The following CUEDC1 variants were observed in gnomAD, a reference collection of about 807,000 sequenced individuals.
CUEDC1 encodes CUE domain containing 1.
Under a neutral mutation model 43.7 loss-of-function variants are expected in CUEDC1, and 30 were observed. That is an observed-to-expected ratio of 0.69 (90% CI 0.51 to 0.93). The LOEUF (loss-of-function observed/expected upper bound fraction) is 0.93. CUEDC1 is among the 40% of genes least tolerant of loss of function. The pLI, the probability that CUEDC1 is intolerant of heterozygous loss-of-function variation, is 0.00. For missense variants in CUEDC1, 486 were observed against 549.0 expected (o/e 0.89, Z 1.15); for synonymous variants, 223 against 223.6 (o/e 1.00, Z 0.02).
At chr17:57,886,817 G>GTT (rs777598269) in intron 1 of CUEDC1, among the ~76,000 whole-genome samples, 2,545 of 118,480 alleles carry the variant, frequency 0.021, 100 homozygotes, top group African/African-American at 0.028. Flanking sequence ...AATTCTGGTT[G>GTT]TTTTTTTTTT....
At chr17:57,936,297 T>A (rs1451898977) in intron 1 of CUEDC1, among the ~76,000 whole-genome samples, 1 of 152,202 alleles carries the variant, frequency 6.6e-6, no homozygotes, top group African/African-American at 2.4e-5. Flanking sequence ...CATTCCTCCT[T>A]TGGCCCTTCC....
chr17:57,953,052 G>C (rs1471726560), intron 1 of CUEDC1, among the ~76,000 whole-genome samples: 1 of 152,082 alleles, frequency 6.6e-6, no homozygotes, highest in African/African-American at 2.4e-5. Flanking sequence ...CTAAGGAACC[G>C]ACAACACCCA....
At chr17:57,877,378 C>A (rs2074140436) in intron 3 of CUEDC1, among the ~76,000 whole-genome samples, 1 of 152,054 alleles carries the variant, frequency 6.6e-6, no homozygotes. Flanking sequence ...CCCTGTAGTC[C>A]CAGCTATTTG....
chr17:57,863,135 T>TGG lies in CUEDC1; in HGVS notation c.*152_*153dup, dbSNP rs962608091. On this transcript the variant is annotated 3_prime_UTR_variant, in exon 11 of 11. Transcript: ENST00000577830. Reference sequence around the variant, plus strand: ...AAGTCCCATGGAAAGTGGCAGTGGTTGGGCTGGACTGTGGCTGGAGGATCA... The same window carrying TGG: ...AAGTCCCATGGAAAGTGGCAGTGGTTGGGGGCTGGACTGTGGCTGGAGGATCA... The TGG allele has an allele frequency of 1.3e-5, 2 of 152,666 alleles. No individual in the cohort carries two copies. The highest frequency in any genetic ancestry group is 6.5e-5 in the Admixed American group (1 of 15,276). The allele number at this position is 152,666 out of a possible 1,614,324, so 9.5% of individuals were successfully genotyped here. A position where few individuals can be genotyped will look rare whatever the true frequency, so the allele number is the denominator to read the frequency against.
At chr17:57,893,074 C>T (rs1255765659) in intron 1 of CUEDC1, among the ~76,000 whole-genome samples, 1 of 152,248 alleles carries the variant, frequency 6.6e-6, no homozygotes, top group Non-Finnish European at 1.5e-5. Flanking sequence ...CACTCTGTCT[C>T]ATTGGGAATC....
At chr17:57,927,044 G>C (rs917908495) in intron 1 of CUEDC1, among the ~76,000 whole-genome samples, 3 of 152,224 alleles carry the variant, frequency 2.0e-5, no homozygotes, top group Non-Finnish European at 4.4e-5. Context: ...GCCGGCAATT[G>C]TTTGTAGGGA....
intron 1 of CUEDC1, among the ~76,000 whole-genome samples, chr17:57,903,931 G>A (rs73314256): frequency 1.5e-3 from 187 of 124,204 alleles, no homozygotes; most frequent in African/African-American, 4.3e-3. Context: ...GAGAGAGACC[G>A]TGTTTCAAAA....
intron 1 of CUEDC1, among the ~76,000 whole-genome samples, chr17:57,905,023 T>G (rs2074513764): frequency 6.6e-6 from 1 of 152,106 alleles, no homozygotes; most frequent in East Asian, 1.9e-4. Flanking sequence ...CAGGCCTTTT[T>G]GTACTCTCCC....
chr17:57,937,649 G>T (rs2074874846), intron 1 of CUEDC1, among the ~76,000 whole-genome samples: 1 of 151,310 alleles, frequency 6.6e-6, no homozygotes, highest in Non-Finnish European at 1.5e-5. Flanking sequence ...TCTGCCTAGA[G>T]GCTGGGCACA....
At chr17:57,887,531 G>A (rs1016675772) in intron 1 of CUEDC1, among the ~76,000 whole-genome samples, 57 of 145,134 alleles carry the variant, frequency 3.9e-4, no homozygotes, top group East Asian at 2.6e-3. Flanking sequence ...TCACTTTGTC[G>A]CCCAGGCTGG....
At chr17:57,886,691 G>A (rs2074293979) in intron 1 of CUEDC1, among the ~76,000 whole-genome samples, 1 of 152,104 alleles carries the variant, frequency 6.6e-6, no homozygotes, top group Non-Finnish European at 1.5e-5. Flanking sequence ...AGGCCGACAT[G>A]TTTTATTTAT....
At chr17:57,924,750 C>T (rs557150952) in intron 1 of CUEDC1, among the ~76,000 whole-genome samples, 6 of 152,292 alleles carry the variant, frequency 3.9e-5, no homozygotes, top group Non-Finnish European at 8.8e-5. Context: ...AGCCGCTGTC[C>T]CATCAAGGCC....
chr17:57,867,375 C>A lies in CUEDC1; in HGVS notation c.1075G>T (p.Val359Leu). ...GCCTCACCACACGCGTGGCCCTCCA[C>A]ATCATCCAGGAGGTTGGCTGTTGAC... ...AASTANLLDD[V>L]EGHACDEDFR... is the part of the protein sequence containing the mutation. Residue 359 changes from valine to leucine, a missense_variant, in exon 9 of 11, where the codon GTG becomes TTG. Val to Leu is a conservative substitution (Grantham distance 32). Transcript: ENST00000577830. 1 of 1,552,418 alleles carries A rather than the reference C, an allele frequency of 6.4e-7. No individual in the cohort carries two copies. The highest frequency in any genetic ancestry group is 2.4e-5 in the East Asian group (1 of 41,006).
intron 1 of CUEDC1, among the ~76,000 whole-genome samples, chr17:57,924,646 G>A (rs2143125239): frequency 6.6e-6 from 1 of 152,012 alleles, no homozygotes; most frequent in East Asian, 1.9e-4. Context: ...CCCCACCCCT[G>A]TATAAGCCAC....
At chr17:57,863,942 A>C (rs2073917783) in intron 10 of CUEDC1, among the ~76,000 whole-genome samples, 1 of 146,132 alleles carries the variant, frequency 6.8e-6, no homozygotes, top group African/African-American at 2.5e-5. Flanking sequence ...GGGAGGTTGC[A>C]GTGAGTGGAG....
intron 1 of CUEDC1, among the ~76,000 whole-genome samples, chr17:57,907,708 T>C (rs1030193702): frequency 2.0e-5 from 3 of 151,660 alleles, no homozygotes; most frequent in African/African-American, 7.3e-5. Context: ...TAGCTGGGTG[T>C]GGAGACAAGC....
chr17:57,941,625 T>G (rs1164232735), intron 1 of CUEDC1, among the ~76,000 whole-genome samples: 2 of 152,226 alleles, frequency 1.3e-5, no homozygotes, highest in Non-Finnish European at 2.9e-5. Context: ...ATGTTTGACA[T>G]TTTTCACAGT....
chr17:57,949,058 C>T (rs1044328370), intron 1 of CUEDC1, among the ~76,000 whole-genome samples: 26 of 152,292 alleles, frequency 1.7e-4, no homozygotes, highest in Admixed American at 1.6e-3. Context: ...AAACCCACAC[C>T]GCTACTTAGC....
At chr17:57,927,730 G>C (rs2074762422) in intron 1 of CUEDC1, among the ~76,000 whole-genome samples, 1 of 152,248 alleles carries the variant, frequency 6.6e-6, no homozygotes, top group Non-Finnish European at 1.5e-5. Flanking sequence ...CTGTTGCTCT[G>C]CAACAAAGAC....
Sources: gnomAD v4.1 joint callset for allele counts (sites outside exome capture counted in the v4.1 genomes callset) on GRCh38, gnomAD v4.1.1 for gene constraint, MANE v1.5 for transcripts, NCBI Gene and HGNC (gene_info 2026-07-23, HGNC 2026-07-21) for gene names.